The following ZMIZ2 variants were observed in gnomAD, a reference collection of about 807,000 sequenced individuals.
ZMIZ2 encodes zinc finger MIZ-type containing 2, also known as zinc finger MIZ domain-containing protein 2.
ZMIZ2 carries 26 observed loss-of-function variants against 93.9 expected under a neutral mutation model. The ratio of observed to expected loss-of-function variants is 0.28; its 90% confidence interval spans 0.20 to 0.38. The LOEUF (loss-of-function observed/expected upper bound fraction) is 0.38. Among genes scored for constraint, ZMIZ2 ranks in the 10% least tolerant of loss-of-function variants. The pLI is 1.00. For missense variants in ZMIZ2, 1,023 were observed against 1,235.0 expected, an observed-to-expected ratio of 0.83 and a Z score of 2.57; for synonymous variants, 485 against 516.4, an observed-to-expected ratio of 0.94 and a Z score of 0.82.
rs1195904916 is a variant in ZMIZ2 at position 44,765,051 on chromosome 7, G to A, written c.1997+42G>A. On this transcript the variant is annotated intron_variant, in intron 15 of 18. Coordinates refer to ENST00000309315, the MANE Select transcript of ZMIZ2 (RefSeq NM_031449.4). This position sits in a 1 kb window ranked among gnomAD's most constrained non-coding sequence, Gnocchi z 4.1. The stretch of plus-strand genomic sequence containing the variant: ...TGTGATCCCTGCATCTGTGGCCACT[G>A]GAGGGCAGCCCCAGGACATGTCGGG... The A allele has an allele frequency of 6.2e-7, 1 of 1,610,098 alleles. No individual in the cohort carries two copies. Among genetic ancestry groups the A allele is most frequent in the South Asian group, 1.1e-5 (1 of 90,996 alleles).
chr7:44,760,228 G>A lies in ZMIZ2; in HGVS notation c.1071G>A (p.Gly357=), dbSNP rs1157779887. The A allele has an allele frequency of 6.8e-6, 11 of 1,611,436 alleles. No homozygotes were observed. The highest frequency in any genetic ancestry group is 9.3e-6 in the Non-Finnish European group (11 of 1,178,706). The change falls in exon 8 of 19, where the codon GGG becomes GGA. Residue 357 remains glycine (G), a splice_region_variant and synonymous_variant. Transcript: ENST00000309315. Reference sequence around the variant, plus strand: ...GCTACAGCCAACCTGGCCTGAGTGGGGTAGGGGGCCTGGCCGGGAGGATGG... The same window carrying A: ...GCTACAGCCAACCTGGCCTGAGTGGAGTAGGGGGCCTGGCCGGGAGGATGG... ...SVSYSQPGLS[G]PTRSIPGYPS...
rs753103644 is a variant in ZMIZ2, at chr7:44,761,083, A to G, written c.1241-366A>G. On this transcript the variant is annotated intron_variant, in intron 9 of 18. Coordinates refer to ENST00000309315, the MANE Select transcript of ZMIZ2 (RefSeq NM_031449.4). The surrounding 1 kb of genome is among the most constrained non-coding windows in gnomAD (Gnocchi z 5.8). The stretch of plus-strand genomic sequence containing the variant: ...GGATCGTAGAACTCTAAACAGAGCT[A>G]TAGGGCAATTGCAGGAGGCTCTCAC... Among the ~76,000 whole-genome samples, 1 of 152,164 alleles carries G rather than the reference A, an allele frequency of 6.6e-6. No homozygotes were observed. Among genetic ancestry groups the G allele is most frequent in the Non-Finnish European group, 1.5e-5 (1 of 68,016 alleles).
intron 5 of ZMIZ2, 137 bp downstream of exon 5, chr7:44,757,698 G>T: frequency 6.9e-7 from 1 of 1,448,234 alleles, no homozygotes. Context: ...AGAGATGTGT[G>T]GGAAGGAGTG....
chr7:44,751,375 T>C (rs2116601353), intron 1 of ZMIZ2, among the ~76,000 whole-genome samples: 1 of 152,360 alleles, frequency 6.6e-6, no homozygotes, highest in African/African-American at 2.4e-5. Context: ...GGGCAGCCTG[T>C]CATCACCAGC....
rs148745709 is a variant in ZMIZ2 at position 44,752,684 on chromosome 7, A to G, written c.-62-3504A>G. On this transcript the variant is annotated intron_variant, in intron 1 of 18. Transcript: ENST00000309315. Reference sequence around the variant, plus strand: ...TGGAGATTCATCCAGGTTGTTGCATATATCAGTAGTTCATTCCTTTATATT... The same window carrying G: ...TGGAGATTCATCCAGGTTGTTGCATGTATCAGTAGTTCATTCCTTTATATT... 2.3e-4 allele frequency among the ~76,000 whole-genome samples: 35 copies of G among 152,304 alleles called. 1 individual carries two copies. The East Asian group carries it at 5.8e-3, about 25-fold the overall frequency.
chr7:44,767,670 C>T lies in ZMIZ2; in HGVS notation c.*47C>T. ...GGCGGGGACACGCTCACAGATGTCA[C>T]CACAGCCCTGCCCTTCATGCCCAGC... On this transcript the variant is annotated 3_prime_UTR_variant, in exon 19 of 19. Coordinates refer to ENST00000309315, the MANE Select transcript of ZMIZ2 (RefSeq NM_031449.4). 6.5e-7 allele frequency: 1 copy of T among 1,540,328 alleles called. No individual in the cohort carries two copies. The highest frequency in any genetic ancestry group is 9.0e-7 in the Non-Finnish European group (1 of 1,114,168).
At chr7:44,752,423 G>A (rs1025138774) in intron 1 of ZMIZ2, among the ~76,000 whole-genome samples, 25 of 151,990 alleles carry the variant, frequency 1.6e-4, no homozygotes, top group African/African-American at 5.8e-4. Flanking sequence ...GATTACAGGC[G>A]TGAGCCACCG....
At chr7:44,751,224 C>G (rs935637618) in intron 1 of ZMIZ2, 1 of 152,362 alleles carries the variant, frequency 6.6e-6, no homozygotes, top group Non-Finnish European at 1.5e-5. Flanking sequence ...CTGCCCTGTG[C>G]TCCTTCTCCC....
chr7:44,762,411 G>A (rs1791293135), intron 11 of ZMIZ2, among the ~76,000 whole-genome samples: 1 of 152,212 alleles, frequency 6.6e-6, no homozygotes, highest in Non-Finnish European at 1.5e-5. Flanking sequence ...TCACCCTTGG[G>A]CTAGAGAAGA....
chr7:44,752,363 G>A (rs1015991526), intron 1 of ZMIZ2, among the ~76,000 whole-genome samples: 2 of 151,894 alleles, frequency 1.3e-5, no homozygotes, highest in African/African-American at 2.4e-5. Flanking sequence ...GGCTGGTCTC[G>A]AACTCCTGAC....
At chr7:44,753,617 G>T (rs1280788546) in intron 1 of ZMIZ2, among the ~76,000 whole-genome samples, 2 of 152,192 alleles carry the variant, frequency 1.3e-5, no homozygotes, top group Non-Finnish European at 2.9e-5. Flanking sequence ...CTCCTGGCCT[G>T]TAACTTATCT....
Position 44,768,649 on chromosome 7 carries a change from C to G in ZMIZ2, c.*1026C>G, listed in dbSNP as rs1475094806. ...GAGCAGGGCGCCTGGGCTGTTGTGT[C>G]TCCTGTCTGTGCCGATCTCTATTAA... is the stretch of plus-strand genomic sequence containing the variant. On this transcript the variant is annotated 3_prime_UTR_variant, in exon 19 of 19. Transcript: ENST00000309315. 6.6e-6 allele frequency: 1 copy of G among 152,236 alleles called. No homozygotes were observed. The highest frequency in any genetic ancestry group is 1.9e-4 in the East Asian group (1 of 5,194). 9.4% of individuals were successfully genotyped at this position (152,236 alleles called of 1,614,324 possible).
chr7:44,753,390 G>A lies in ZMIZ2; in HGVS notation c.-62-2798G>A, dbSNP rs1373140071. 9.9e-5 allele frequency among the ~76,000 whole-genome samples: 15 copies of A among 152,184 alleles called. No homozygotes were observed. The South Asian group carries it at 2.9e-3, about 29-fold the overall frequency. ...CTCCTGAAAAGCTGGGACCACAGGTGCATGCCACCACGCCCAGCTAATTTT... is the reference window on the plus strand; with the variant it reads ...CTCCTGAAAAGCTGGGACCACAGGTACATGCCACCACGCCCAGCTAATTTT... On this transcript the variant is annotated intron_variant, in intron 1 of 18. Transcript: ENST00000309315.
At position 44,769,697 on chromosome 7, in the gene ZMIZ2, T is replaced by A. The variant is rs545954302; in HGVS notation, c.*2074T>A. 2 of 152,552 alleles carry A rather than the reference T, an allele frequency of 1.3e-5. No homozygotes were observed. The highest frequency in any genetic ancestry group is 2.9e-5 in the Non-Finnish European group (2 of 68,050). 9.4% of individuals were successfully genotyped at this position (152,552 alleles called of 1,614,324 possible). A position where few individuals can be genotyped will look rare whatever the true frequency, so the allele number is the denominator to read the frequency against. ...GGATGGAGTGGAGAAACTAGGAGAC[T>A]GGGACAAGCAAAAGGCTGCAAACAA... On this transcript the variant is annotated 3_prime_UTR_variant, in exon 19 of 19. Coordinates refer to ENST00000309315, the MANE Select transcript of ZMIZ2 (RefSeq NM_031449.4).
chr7:44,756,399 G>A, intron 2 of ZMIZ2, 26 bp from the exon 3 acceptor site: 1 of 1,613,918 alleles, frequency 6.2e-7, no homozygotes, highest in Non-Finnish European at 8.5e-7. Flanking sequence ...TCCTGACCCA[G>A]GCCTCAGCAG....
chr7:44,753,955 G>A (rs1489296671), intron 1 of ZMIZ2, among the ~76,000 whole-genome samples: 3 of 152,126 alleles, frequency 2.0e-5, no homozygotes, highest in East Asian at 3.8e-4. Flanking sequence ...AATTGCTCTC[G>A]CACCTTTGTC....
At chr7:44,749,461 T>G (rs1169288305) in intron 1 of ZMIZ2, among the ~76,000 whole-genome samples, 1 of 152,222 alleles carries the variant, frequency 6.6e-6, no homozygotes, top group Non-Finnish European at 1.5e-5. Context: ...GGGGGCCGTC[T>G]GAGGCCGTCA....
rs3735479 is a variant in ZMIZ2 at position 44,767,689 on chromosome 7, G to T, written c.*66G>T. ...ATGTCACCACAGCCCTGCCCTTCAT[G>T]CCCAGCCCCATGGGACACCCGGTGG... On this transcript the variant is annotated 3_prime_UTR_variant, in exon 19 of 19. Coordinates refer to ENST00000309315, the MANE Select transcript of ZMIZ2 (RefSeq NM_031449.4). The T allele has an allele frequency of 9.7e-6, 14 of 1,444,096 alleles. No individual in the cohort carries two copies. The highest frequency in any genetic ancestry group is 1.2e-5 in the Non-Finnish European group (12 of 1,030,040). 89.5% of individuals were successfully genotyped at this position (1,444,096 alleles called of 1,614,324 possible).
chr7:44,764,563 C>T (rs1385021845), intron 14 of ZMIZ2, 77 bp downstream of exon 14: 2 of 1,497,726 alleles, frequency 1.3e-6, no homozygotes, highest in East Asian at 2.3e-5. Flanking sequence ...CCTCCAACAG[C>T]ATCATCAAAG....
Sources: allele counts gnomAD v4.1 joint callset (sites outside exome capture counted in the v4.1 genomes callset), GRCh38; gene constraint gnomAD v4.1.1; non-coding constraint Gnocchi (gnomAD v3.1); transcripts MANE v1.5; gene names NCBI Gene and HGNC (gene_info 2026-07-23, HGNC 2026-07-21).